Variants in RSPO1 observed in about 807,000 individuals in gnomAD.
RSPO1 encodes R-spondin 1, also known as R-spondin-1.
Under a neutral mutation model 26.0 loss-of-function variants are expected in RSPO1, and 18 were observed. The observed-to-expected ratio is 0.69, with a 90% CI of 0.48 to 1.03. RSPO1 has a LOEUF of 1.03. Ranked by LOEUF, RSPO1 falls within the 50% of genes least tolerant of loss-of-function variation. RSPO1 has a pLI of 0.00. For missense variants in RSPO1, 309 were observed against 352.3 expected, an observed-to-expected ratio of 0.88 and a Z score of 0.98; for synonymous variants, 133 against 137.4, an observed-to-expected ratio of 0.97 and a Z score of 0.22.
chr1:37,629,923 T>A lies in RSPO1; in HGVS notation c.-262A>T, dbSNP rs566902475. 6.6e-7 allele frequency: 1 copy of A among 1,526,018 alleles called. No homozygotes were observed. The highest frequency in any genetic ancestry group is 8.9e-7 in the Non-Finnish European group (1 of 1,124,548). The allele number at this position is 1,526,018 out of a possible 1,614,324, so 94.5% of individuals were successfully genotyped here. A position where few individuals can be genotyped will look rare whatever the true frequency, so the allele number is the denominator to read the frequency against. The stretch of plus-strand genomic sequence containing the variant: ...TCATATGAGAGATCTTTTTGTCACG[T>A]CAGCAGGGACTACTCCAAAAACCAA... On this transcript the variant is annotated 5_prime_UTR_variant, in exon 3 of 7. Coordinates refer to ENST00000356545, the MANE Select transcript of RSPO1 (RefSeq NM_001242908.2).
chr1:37,625,670 G>C (rs991364948), intron 3 of RSPO1, among the ~76,000 whole-genome samples: 5 of 151,122 alleles, frequency 3.3e-5, no homozygotes, highest in East Asian at 1.9e-4. Context: ...CCGCTGGTAG[G>C]CCCAGGATTC....
chr1:37,626,885 CA>C (rs1161148208), intron 3 of RSPO1, among the ~76,000 whole-genome samples: 1 of 151,902 alleles, frequency 6.6e-6, no homozygotes, highest in African/African-American at 2.4e-5. Flanking sequence ...GACCCCAGAT[CA>C]GGGGTGAGGG....
In RSPO1 at chr1:37,616,277, G is replaced by A. The variant is rs547544792; in HGVS notation, c.286+207C>T. 6.6e-5 allele frequency among the ~76,000 whole-genome samples: 10 copies of A among 152,266 alleles called. No homozygotes were observed. In the East Asian group the frequency reaches 1.9e-3, roughly 29 times the overall value. ...TGGAGGGTGACCTCTGGGAATACAGGTAGGGGCAGGTGCGAAGGGAGGAGA... is the reference window on the plus strand; with the variant it reads ...TGGAGGGTGACCTCTGGGAATACAGATAGGGGCAGGTGCGAAGGGAGGAGA... On this transcript the variant is annotated intron_variant, in intron 4 of 6. Transcript: ENST00000356545.
At chr1:37,618,681 G>A (rs1644154364) in intron 3 of RSPO1, among the ~76,000 whole-genome samples, 1 of 152,222 alleles carries the variant, frequency 6.6e-6, no homozygotes, top group Admixed American at 6.5e-5. Flanking sequence ...TGGCTGACAG[G>A]CAGAGAGGAA....
In RSPO1 at chr1:37,612,499, G is replaced by GGGGT; in HGVS notation, c.*255_*256insACCC. On this transcript the variant is annotated 3_prime_UTR_variant, in exon 7 of 7. Transcript: ENST00000356545. ...ATGGAAGTGTCTTCTGGTGGCCTCA[G>GGGGT]GTGTGTGTGTGTGTGTGTGTGTATG... 3.9e-6 allele frequency: 2 copies of GGGGT among 509,370 alleles called. No homozygotes were observed. Among genetic ancestry groups the GGGGT allele is most frequent in the South Asian group, 2.3e-5 (1 of 43,648 alleles). 31.6% of individuals were successfully genotyped at this position (509,370 alleles called of 1,614,324 possible).
chr1:37,632,806 G>A (rs1334153479), intron 1 of RSPO1, among the ~76,000 whole-genome samples: 2 of 152,238 alleles, frequency 1.3e-5, no homozygotes, highest in African/African-American at 4.8e-5. Context: ...ACACAGGCAT[G>A]CACTCTTGCA....
intron 3 of RSPO1, among the ~76,000 whole-genome samples, chr1:37,626,747 G>A (rs1396280137): frequency 6.6e-6 from 1 of 152,144 alleles, no homozygotes. Context: ...GCTCAATGAA[G>A]GAATGATGGC....
chr1:37,630,503 CA>C (rs2148185692), intron 2 of RSPO1, among the ~76,000 whole-genome samples: 1 of 152,358 alleles, frequency 6.6e-6, no homozygotes, highest in South Asian at 2.1e-4. Flanking sequence ...TTCCCCCGGC[CA>C]CAGAAACTCT....
intron 1 of RSPO1, 84 bp from the exon 2 acceptor site, chr1:37,632,437 T>C (rs1644372325): frequency 6.6e-6 from 1 of 151,968 alleles, no homozygotes; most frequent in Non-Finnish European, 1.5e-5. Context: ...ATGGGAAGAG[T>C]TGCAAGCACT....
At chr1:37,619,834 G>A (rs892896411) in intron 3 of RSPO1, among the ~76,000 whole-genome samples, 3 of 150,236 alleles carry the variant, frequency 2.0e-5, no homozygotes, top group Admixed American at 6.7e-5. Flanking sequence ...TGCAATCTCC[G>A]CCTCCCATGT....
intron 4 of RSPO1, 22 bp downstream of exon 4, chr1:37,616,462 C>T (rs756857380): frequency 1.7e-4 from 271 of 1,612,530 alleles, no homozygotes; most frequent in Non-Finnish European, 2.1e-4. Context: ...CCCCTGCCCC[C>T]GACAGCCCTG....
intron 3 of RSPO1, among the ~76,000 whole-genome samples, chr1:37,619,703 A>G (rs1644170501): frequency 6.6e-6 from 1 of 152,112 alleles, no homozygotes; most frequent in African/African-American, 2.4e-5. Flanking sequence ...TCCTTACAAC[A>G]ACCCATGAGG....
rs1644068015 is a variant in RSPO1 at position 37,613,958 on chromosome 1, C to T, written c.437-66G>A. ...AGGGGATCATGTCTCCTCCTCTGGC[C>T]CAGAATAGCCCAGGGGAGCATCTCC... On this transcript the variant is annotated intron_variant, in intron 5 of 6. Coordinates refer to ENST00000356545, the MANE Select transcript of RSPO1 (RefSeq NM_001242908.2). This position sits in a 1 kb window ranked among gnomAD's most constrained non-coding sequence, Gnocchi z 4.5. The T allele has an allele frequency of 1.3e-6, 2 of 1,541,378 alleles. No homozygotes were observed. Among genetic ancestry groups the T allele is most frequent in the Admixed American group, 3.3e-5 (2 of 59,826 alleles).
In RSPO1 at chr1:37,612,530, G is replaced by A. The variant is rs1011124197; in HGVS notation, c.*225C>T. On this transcript the variant is annotated 3_prime_UTR_variant, in exon 7 of 7. Transcript: ENST00000356545. ...TGTGTGTGTGTGTGTGTATGTGTGTGTGTGGTGTCTGTGTCTGCGTGTGTA... is the reference window on the plus strand; with the variant it reads ...TGTGTGTGTGTGTGTGTATGTGTGTATGTGGTGTCTGTGTCTGCGTGTGTA... 9.8e-6 allele frequency: 6 copies of A among 609,732 alleles called. No homozygotes were observed. The highest frequency in any genetic ancestry group is 2.8e-5 in the East Asian group (1 of 35,638). 37.8% of individuals were successfully genotyped at this position (609,732 alleles called of 1,614,324 possible).
chr1:37,629,164 A>G (rs1644320623), intron 3 of RSPO1, among the ~76,000 whole-genome samples: 1 of 152,226 alleles, frequency 6.6e-6, no homozygotes, highest in Non-Finnish European at 1.5e-5. Flanking sequence ...AAAAGGGTTG[A>G]TGGCTGCACT....
chr1:37,613,603 T>C lies in RSPO1; in HGVS notation c.625+101A>G. On this transcript the variant is annotated intron_variant, in intron 6 of 6. Transcript: ENST00000356545. This position sits in a 1 kb window ranked among gnomAD's most constrained non-coding sequence, Gnocchi z 4.5. ...GCGGGTGCCCCATCTGGCCTTGCCCTGAAGCTTCTTCCTGAGCCGTGGGCA... is the reference window on the plus strand; with the variant it reads ...GCGGGTGCCCCATCTGGCCTTGCCCCGAAGCTTCTTCCTGAGCCGTGGGCA... 1 of 1,044,166 alleles carries C rather than the reference T, an allele frequency of 9.6e-7. No homozygotes were observed. The highest frequency in any genetic ancestry group is 1.4e-6 in the Non-Finnish European group (1 of 691,456). The allele number at this position is 1,044,166 out of a possible 1,614,324, so 64.7% of individuals were successfully genotyped here.
At position 37,631,992 on chromosome 1, in the gene RSPO1, C is replaced by A. The variant is rs1030479615; in HGVS notation, c.-289+295G>T. 2.6e-5 allele frequency: 4 copies of A among 152,256 alleles called. No homozygotes were observed. The East Asian group carries it at 7.7e-4, about 29-fold the overall frequency. The allele number at this position is 152,256 out of a possible 1,614,324, so 9.4% of individuals were successfully genotyped here. ...TAAGGTCTGAGAATCCCTGGTAGAT[C>A]TGTTCCATGAGTCCTTACAGTTGAC... On this transcript the variant is annotated intron_variant, in intron 2 of 6. Transcript: ENST00000356545.
Position 37,611,561 on chromosome 1 carries a change from A to G in RSPO1, c.*1194T>C, listed in dbSNP as rs1161853700. 6.6e-6 allele frequency: 1 copy of G among 152,316 alleles called. No individual in the cohort carries two copies. Among genetic ancestry groups the G allele is most frequent in the African/African-American group, 2.4e-5 (1 of 41,480 alleles). The allele number at this position is 152,316 out of a possible 1,614,324, so 9.4% of individuals were successfully genotyped here. ...GCTCCTCCCTGGAAACCTAGCACCT[A>G]GTCCAGAGCCTGGCACACACTTCAG... On this transcript the variant is annotated 3_prime_UTR_variant, in exon 7 of 7. Transcript: ENST00000356545.
intron 1 of RSPO1, among the ~76,000 whole-genome samples, chr1:37,633,100 G>T (rs1433733213): frequency 6.6e-6 from 1 of 152,232 alleles, no homozygotes; most frequent in Non-Finnish European, 1.5e-5. Flanking sequence ...CCTGCCATGT[G>T]CCAGGTCTTC....
Sources: allele counts gnomAD v4.1 joint callset (sites outside exome capture counted in the v4.1 genomes callset), GRCh38; gene constraint gnomAD v4.1.1; non-coding constraint Gnocchi (gnomAD v3.1); transcripts MANE v1.5; gene names NCBI Gene and HGNC (gene_info 2026-07-23, HGNC 2026-07-21).